Variants in RABGAP1L observed in about 807,000 individuals in gnomAD.
RABGAP1L encodes rab GTPase-activating protein 1-like.
In RABGAP1L, 63 loss-of-function variants were observed where a neutral mutation model predicts 137.7. The ratio of observed to expected loss-of-function variants is 0.46; its 90% CI spans 0.37 to 0.56. The LOEUF (loss-of-function observed/expected upper bound fraction) is 0.56. Ranked by LOEUF, RABGAP1L falls within the 20% of genes least tolerant of loss-of-function variation. The probability of loss-of-function intolerance (pLI) is 0.00; values close to 1 mark genes in which losing one functional copy is unlikely to be tolerated. For missense variants in RABGAP1L, 1,095 were observed against 1,244.0 expected (o/e 0.88, Z 1.80); for synonymous variants, 431 against 433.7 (o/e 0.99, Z 0.08).
At chr1:174,361,134 C>T (rs751480157) in intron 11 of RABGAP1L, among the ~76,000 whole-genome samples, 5 of 151,748 alleles carry the variant, frequency 3.3e-5, no homozygotes, top group African/African-American at 7.3e-5. Flanking sequence ...ACATTGGTCT[C>T]TGTGTCTTTT....
chr1:174,386,366 A>C (rs1409871589), intron 12 of RABGAP1L, among the ~76,000 whole-genome samples: 1 of 152,202 alleles, frequency 6.6e-6, no homozygotes, highest in African/African-American at 2.4e-5. Context: ...CAACTAAGTA[A>C]CTTGCTCAAG....
intron 19 of RABGAP1L, among the ~76,000 whole-genome samples, chr1:174,896,457 G>A (rs1657190595): frequency 6.6e-6 from 1 of 152,094 alleles, no homozygotes; most frequent in Non-Finnish European, 1.5e-5. Flanking sequence ...GATCCCATTT[G>A]TCAATTTTGG....
At chr1:174,491,630 C>T (rs949652505) in intron 13 of RABGAP1L, among the ~76,000 whole-genome samples, 1 of 152,096 alleles carries the variant, frequency 6.6e-6, no homozygotes, top group Non-Finnish European at 1.5e-5. Flanking sequence ...CTGGCTCTGA[C>T]ACCAGCCCAG....
At chr1:174,627,061 A>G (rs1054642565) in intron 13 of RABGAP1L, among the ~76,000 whole-genome samples, 8 of 152,202 alleles carry the variant, frequency 5.3e-5, no homozygotes, top group African/African-American at 1.7e-4. Context: ...ACGGTATAAT[A>G]CTTATAAAGT....
At chr1:174,615,176 T>G (rs879897124) in intron 13 of RABGAP1L, among the ~76,000 whole-genome samples, 12 of 152,220 alleles carry the variant, frequency 7.9e-5, no homozygotes, top group Non-Finnish European at 1.6e-4. Context: ...GTTTCCAGTT[T>G]TTCTGCTCTG....
chr1:174,303,555 T>C (rs1283231765), intron 10 of RABGAP1L, among the ~76,000 whole-genome samples: 1 of 152,214 alleles, frequency 6.6e-6, no homozygotes, highest in Non-Finnish European at 1.5e-5. Flanking sequence ...TGTTTACATG[T>C]TGCTAAGCTG....
intron 19 of RABGAP1L, among the ~76,000 whole-genome samples, chr1:174,821,042 C>G (rs1294211627): frequency 6.6e-6 from 1 of 151,454 alleles, no homozygotes. Context: ...AAAAAACTGC[C>G]CTGTGCTCAT....
At chr1:174,468,511 T>C (rs1230449679) in intron 13 of RABGAP1L, among the ~76,000 whole-genome samples, 1 of 152,218 alleles carries the variant, frequency 6.6e-6, no homozygotes, top group Non-Finnish European at 1.5e-5. Context: ...ATAGTTATTA[T>C]GCACTTCAAA....
chr1:174,629,023 T>C (rs1019090103), intron 13 of RABGAP1L, among the ~76,000 whole-genome samples: 1 of 152,292 alleles, frequency 6.6e-6, no homozygotes, highest in Admixed American at 6.5e-5. Flanking sequence ...TTATATTTCT[T>C]GTAAAAATTG....
At chr1:174,518,804 G>A (rs772959307) in intron 13 of RABGAP1L, among the ~76,000 whole-genome samples, 17 of 152,076 alleles carry the variant, frequency 1.1e-4, no homozygotes, top group Non-Finnish European at 1.9e-4. Context: ...CTTCACTTCC[G>A]GCGTACAAAT....
intron 10 of RABGAP1L, among the ~76,000 whole-genome samples, chr1:174,287,489 A>G (rs1227490180): frequency 2.0e-5 from 3 of 152,070 alleles, no homozygotes; most frequent in African/African-American, 2.4e-5. Flanking sequence ...CAGTCACTCT[A>G]TATCTTTGTT....
At chr1:174,371,198 A>G in intron 12 of RABGAP1L, 126 bp downstream of exon 12, 1 of 408,940 alleles carries the variant, frequency 2.4e-6, no homozygotes, top group Non-Finnish European at 4.2e-6. Flanking sequence ...TAATATCTTA[A>G]TATTGTTTAA....
At chr1:174,777,660 G>A (rs186649931) in intron 18 of RABGAP1L, among the ~76,000 whole-genome samples, 3 of 152,078 alleles carry the variant, frequency 2.0e-5, no homozygotes, top group African/African-American at 7.2e-5. Context: ...TATTCCATAT[G>A]TTCAAAAAAA....
chr1:174,990,206 G>C lies in RABGAP1L; in HGVS notation c.*205G>C. The C allele has an allele frequency of 7.4e-6, 4 of 542,522 alleles. No individual in the cohort carries two copies. The highest frequency in any genetic ancestry group is 1.2e-5 in the Non-Finnish European group (4 of 337,066). 33.6% of individuals were successfully genotyped at this position (542,522 alleles called of 1,614,324 possible). ...TTCTATGTTGAATACCTATTTTCCA[G>C]CTTCTGGAAGGCCATGTTCAGATCC... On this transcript the variant is annotated 3_prime_UTR_variant, in exon 26 of 26. Transcript: ENST00000681986.
At chr1:174,861,053 A>G (rs777530554) in intron 19 of RABGAP1L, among the ~76,000 whole-genome samples, 16 of 152,132 alleles carry the variant, frequency 1.1e-4, no homozygotes, top group Non-Finnish European at 1.8e-4. Flanking sequence ...GAACTTTGTC[A>G]TCTTATAACT....
chr1:174,838,830 A>G (rs1463613938), intron 19 of RABGAP1L, among the ~76,000 whole-genome samples: 3 of 140,532 alleles, frequency 2.1e-5, no homozygotes, highest in African/African-American at 7.7e-5. Context: ...AGGCGGGAGA[A>G]TGGCGTGAAC....
intron 19 of RABGAP1L, among the ~76,000 whole-genome samples, chr1:174,948,531 A>AAAC (rs1553291563): frequency 4.7e-5 from 7 of 147,522 alleles, no homozygotes; most frequent in East Asian, 2.1e-4. Context: ...AAAAAAAAAA[A>AAAC]AGGAGTGTAA....
At chr1:174,788,226 A>C (rs1687602954) in intron 18 of RABGAP1L, among the ~76,000 whole-genome samples, 1 of 152,196 alleles carries the variant, frequency 6.6e-6, no homozygotes, top group Non-Finnish European at 1.5e-5. Context: ...TCTTATAATC[A>C]ACTTTGTGCC....
chr1:174,882,648 A>G (rs888938032), intron 19 of RABGAP1L, among the ~76,000 whole-genome samples: 2 of 152,256 alleles, frequency 1.3e-5, no homozygotes, highest in African/African-American at 2.4e-5. Context: ...ATGTTGATGC[A>G]AGAAAATCAC....
Sources: allele counts gnomAD v4.1 joint callset (sites outside exome capture counted in the v4.1 genomes callset), GRCh38; gene constraint gnomAD v4.1.1; transcripts MANE v1.5; gene names NCBI Gene and HGNC (gene_info 2026-07-23, HGNC 2026-07-21).